GRIN2B: variants seen among roughly 807,000 people sequenced by gnomAD.
The protein encoded by GRIN2B is glutamate receptor ionotropic, NMDA 2B.
Under a neutral mutation model 114.5 loss-of-function variants are expected in GRIN2B, and 5 were observed. The observed-to-expected ratio is 0.04, with a 90% confidence interval of 0.02 to 0.09. GRIN2B has a LOEUF of 0.09. Ranked by LOEUF, GRIN2B falls within the 10% of genes least tolerant of loss-of-function variation. GRIN2B has a pLI of 1.00. For synonymous variants in GRIN2B, 787 were observed against 745.1 expected, an observed-to-expected ratio of 1.06 and a Z score of -0.92; for missense variants, 1,108 against 1,943.5, an observed-to-expected ratio of 0.57 and a Z score of 8.08.
intron 4 of GRIN2B, among the ~76,000 whole-genome samples, chr12:13,696,886 C>A (rs1298397720): frequency 6.6e-6 from 1 of 152,156 alleles, no homozygotes; most frequent in Non-Finnish European, 1.5e-5. Flanking sequence ...CCACCAAGCC[C>A]TTTGCAGAGC....
At position 13,555,427 on chromosome 12, in the gene GRIN2B, T is replaced by C. The variant is rs978507347; in HGVS notation, c.*7356A>G. On this transcript the variant is annotated 3_prime_UTR_variant, in exon 14 of 14. Coordinates refer to ENST00000609686, the MANE Select transcript of GRIN2B (RefSeq NM_000834.5). ...TTTGAGAAGTTGGGAAGTGAAAAGA[T>C]AGCGATAGGACAGAAATTCAAGAGT... The C allele has an allele frequency of 2.0e-5, 3 of 152,184 alleles. No homozygotes were observed. Among genetic ancestry groups the C allele is most frequent in the African/African-American group, 4.8e-5 (2 of 41,432 alleles). The allele number at this position is 152,184 out of a possible 1,614,324, so 9.4% of individuals were successfully genotyped here.
intron 3 of GRIN2B, among the ~76,000 whole-genome samples, chr12:13,803,773 G>T (rs1427929925): frequency 6.6e-6 from 1 of 152,086 alleles, no homozygotes; most frequent in East Asian, 1.9e-4. Flanking sequence ...GGGGACAACG[G>T]AGAGCCAAAA....
chr12:13,946,086 A>G (rs1300297004), intron 2 of GRIN2B, among the ~76,000 whole-genome samples: 2 of 152,318 alleles, frequency 1.3e-5, no homozygotes, highest in African/African-American at 4.8e-5. Flanking sequence ...AAACAAGGAC[A>G]GTCCAGTGTT....
intron 3 of GRIN2B, among the ~76,000 whole-genome samples, chr12:13,831,587 G>A (rs1394520353): frequency 1.3e-5 from 2 of 152,174 alleles, no homozygotes; most frequent in African/African-American, 4.8e-5. Context: ...CTGAAATTGA[G>A]TAGGAGAAAG....
chr12:13,832,028 C>T lies in GRIN2B; in HGVS notation c.411+33770G>A, dbSNP rs1175027867. Among the ~76,000 whole-genome samples the T allele has an allele frequency of 2.0e-5, 3 of 152,086 alleles. No individual in the cohort carries two copies. In the East Asian group the frequency reaches 5.8e-4, roughly 29 times the overall value. On this transcript the variant is annotated intron_variant, in intron 3 of 13. Coordinates refer to ENST00000609686, the MANE Select transcript of GRIN2B (RefSeq NM_000834.5). ...TGAAGGGCAGTGGGGGGCAGGGTAGCATGTTTTTGTAAGTTTATTTTTATT... is the reference window on the plus strand; with the variant it reads ...TGAAGGGCAGTGGGGGGCAGGGTAGTATGTTTTTGTAAGTTTATTTTTATT...
rs1948311433 is a variant in GRIN2B at position 13,543,718 on chromosome 12, T to C, written c.*19065A>G. Reference sequence around the variant, plus strand: ...GCTATATGACTCATTCATGCTTTCTTCCTTCCAAAACCTCCAATACTCTTC... The same window carrying C: ...GCTATATGACTCATTCATGCTTTCTCCCTTCCAAAACCTCCAATACTCTTC... On this transcript the variant is annotated 3_prime_UTR_variant, in exon 14 of 14. Transcript: ENST00000609686. 6.9e-6 allele frequency: 1 copy of C among 144,922 alleles called. No individual in the cohort carries two copies. Among genetic ancestry groups the C allele is most frequent in the Admixed American group, 6.7e-5 (1 of 14,956 alleles). 9.0% of individuals were successfully genotyped at this position (144,922 alleles called of 1,614,324 possible).
chr12:13,689,145 ATT>A (rs1168591455), intron 4 of GRIN2B, among the ~76,000 whole-genome samples: 2 of 152,140 alleles, frequency 1.3e-5, no homozygotes, highest in Admixed American at 1.3e-4. Context: ...TTCTAAGTGG[ATT>A]AGTCCAATTC....
intron 2 of GRIN2B, among the ~76,000 whole-genome samples, chr12:13,907,791 TAA>T (rs5796566): frequency 2.6e-5 from 4 of 152,016 alleles, no homozygotes; most frequent in Non-Finnish European, 4.4e-5. Flanking sequence ...TCAATTTTTT[TAA>T]AAAAAAGTAT....
At chr12:13,668,779 CT>C (rs1241801685) in intron 5 of GRIN2B, among the ~76,000 whole-genome samples, 2 of 151,790 alleles carry the variant, frequency 1.3e-5, no homozygotes, top group Admixed American at 6.6e-5. Flanking sequence ...ACAACAAGCA[CT>C]TTTTTTATTG....
chr12:13,677,676 G>T (rs982471141), intron 4 of GRIN2B, among the ~76,000 whole-genome samples: 1 of 150,834 alleles, frequency 6.6e-6, no homozygotes. Flanking sequence ...ACTTTTAATG[G>T]CACCTTCTGG....
intron 2 of GRIN2B, among the ~76,000 whole-genome samples, chr12:13,887,916 CTCTA>C (rs1866193075): frequency 6.6e-6 from 1 of 152,280 alleles, no homozygotes; most frequent in African/African-American, 2.4e-5. Flanking sequence ...GTGACAATGG[CTCTA>C]TCTTAGTGGC....
intron 3 of GRIN2B, among the ~76,000 whole-genome samples, chr12:13,821,931 A>G (rs778157168): frequency 3.3e-5 from 5 of 152,186 alleles, no homozygotes; most frequent in Non-Finnish European, 4.4e-5. Context: ...ACGGGAAGCA[A>G]TGAAGCTGTA....
chr12:13,829,527 C>T (rs1456744386), intron 3 of GRIN2B, among the ~76,000 whole-genome samples: 1 of 152,180 alleles, frequency 6.6e-6, no homozygotes, highest in Non-Finnish European at 1.5e-5. Context: ...TTCTTTGCTC[C>T]CACTCCTGCT....
intron 2 of GRIN2B, among the ~76,000 whole-genome samples, chr12:13,945,398 A>T (rs892572528): frequency 1.3e-5 from 2 of 152,252 alleles, no homozygotes; most frequent in Non-Finnish European, 1.5e-5. Context: ...GATCCCTGTC[A>T]CACTGCAGGG....
chr12:13,835,334 C>G (rs1865240958), intron 3 of GRIN2B, among the ~76,000 whole-genome samples: 1 of 152,168 alleles, frequency 6.6e-6, no homozygotes, highest in Non-Finnish European at 1.5e-5. Context: ...CGCATGCACC[C>G]TCATTTATCC....
rs1462318896 is a variant in GRIN2B at position 13,550,401 on chromosome 12, T to C, written c.*12382A>G. The C allele has an allele frequency of 6.6e-6, 1 of 152,196 alleles. No individual in the cohort carries two copies. The highest frequency in any genetic ancestry group is 6.5e-5 in the Admixed American group (1 of 15,292). 9.4% of individuals were successfully genotyped at this position (152,196 alleles called of 1,614,324 possible). ...AGAAATGACTCTTCAGATTTCTATG[T>C]GACCCATTTCTCGTGCCTGTTACCA... On this transcript the variant is annotated 3_prime_UTR_variant, in exon 14 of 14. Transcript: ENST00000609686.
Position 13,911,086 on chromosome 12 carries a change from G to C in GRIN2B, c.-18-44860C>G, listed in dbSNP as rs73057694. On this transcript the variant is annotated intron_variant, in intron 2 of 13. Coordinates refer to ENST00000609686, the MANE Select transcript of GRIN2B (RefSeq NM_000834.5). ...TATAGACCCCCTAGATACCTCTACT[G>C]TCGCACCTACTACCATAGTGAGTCT... 2.2e-3 allele frequency among the ~76,000 whole-genome samples: 330 copies of C among 151,976 alleles called. 1 individual carries two copies. The highest frequency in any genetic ancestry group is 4.2e-3 in the Non-Finnish European group (289 of 68,008).
At chr12:13,677,024 G>A (rs113269144) in intron 4 of GRIN2B, among the ~76,000 whole-genome samples, 9 of 152,150 alleles carry the variant, frequency 5.9e-5, no homozygotes, top group Non-Finnish European at 1.5e-5. Flanking sequence ...GCTGTCATCT[G>A]ATGAGCAGTC....
chr12:13,754,137 T>C (rs1863537458), intron 3 of GRIN2B, among the ~76,000 whole-genome samples: 1 of 152,212 alleles, frequency 6.6e-6, no homozygotes, highest in Admixed American at 6.5e-5. Context: ...TTACAGAAAA[T>C]CAACCTATGT....
Sources: gnomAD v4.1 joint callset for allele counts (sites outside exome capture counted in the v4.1 genomes callset) on GRCh38, gnomAD v4.1.1 for gene constraint, MANE v1.5 for transcripts, NCBI Gene and HGNC (gene_info 2026-07-23, HGNC 2026-07-21) for gene names.